The following KSR2 variants were observed in gnomAD, a reference collection of about 807,000 sequenced individuals.
KSR2 encodes kinase suppressor of ras 2.
In KSR2, 25 loss-of-function variants were observed where a neutral mutation model predicts 107.8. The ratio of observed to expected loss-of-function variants is 0.23; its 90% CI spans 0.17 to 0.32. The LOEUF (loss-of-function observed/expected upper bound fraction) is 0.32. KSR2 is among the 10% of genes least tolerant of loss of function. The pLI is 1.00. For missense variants in KSR2, 887 were observed against 1,268.9 expected (o/e 0.70, Z 4.57); for synonymous variants, 480 against 507.0 (o/e 0.95, Z 0.71).
intron 4 of KSR2, among the ~76,000 whole-genome samples, chr12:117,688,124 A>T (rs974799242): frequency 2.6e-5 from 4 of 152,222 alleles, no homozygotes; most frequent in African/African-American, 9.7e-5. Context: ...TCACGCCTGT[A>T]ATCCCAGCAC....
intron 5 of KSR2, 136 bp from the exon 6 acceptor site, chr12:117,582,495 A>G: frequency 1.5e-6 from 1 of 683,780 alleles, no homozygotes; most frequent in Non-Finnish European, 2.6e-6. Context: ...AACCAAAGCC[A>G]AGTGGAACAC....
intron 7 of KSR2, among the ~76,000 whole-genome samples, chr12:117,574,459 C>T (rs1361111242): frequency 1.3e-5 from 2 of 152,014 alleles, no homozygotes; most frequent in Non-Finnish European, 2.9e-5. Context: ...CTGGGGAGGC[C>T]TCATAATCAT....
At chr12:117,565,213 T>C (rs1878396877) in intron 7 of KSR2, among the ~76,000 whole-genome samples, 2 of 152,312 alleles carry the variant, frequency 1.3e-5, no homozygotes, top group African/African-American at 2.4e-5. Context: ...AATTTCTCAC[T>C]GTTCATTGGG....
At chr12:117,850,279 T>A (rs1892871761) in intron 3 of KSR2, among the ~76,000 whole-genome samples, 1 of 151,962 alleles carries the variant, frequency 6.6e-6, no homozygotes, top group South Asian at 2.1e-4. Context: ...AGGCAAGAGG[T>A]CAGCTCAGTT....
intron 1 of KSR2, among the ~76,000 whole-genome samples, chr12:117,900,453 T>TCAAAGAA (rs1238070804): frequency 6.6e-6 from 1 of 152,114 alleles, no homozygotes; most frequent in Non-Finnish European, 1.5e-5. Flanking sequence ...GATAGATGCC[T>TCAAAGAA]CAAGGGAAAG....
At chr12:117,837,798 CTCTGT>C (rs1341346116) in intron 3 of KSR2, among the ~76,000 whole-genome samples, 1 of 152,202 alleles carries the variant, frequency 6.6e-6, no homozygotes, top group African/African-American at 2.4e-5. Flanking sequence ...CTAAACTGAG[CTCTGT>C]TCCCAAGGAC....
intron 5 of KSR2, among the ~76,000 whole-genome samples, chr12:117,616,948 A>C (rs1000813555): frequency 6.6e-6 from 1 of 152,182 alleles, no homozygotes; most frequent in African/African-American, 2.4e-5. Flanking sequence ...AATGTAATGA[A>C]CAAAAGCTAG....
At chr12:117,815,176 C>T (rs1424870482) in intron 3 of KSR2, among the ~76,000 whole-genome samples, 2 of 152,202 alleles carry the variant, frequency 1.3e-5, no homozygotes, top group African/African-American at 4.8e-5. Flanking sequence ...AATTACAATT[C>T]TATATTTCAC....
At chr12:117,789,329 T>C (rs1195931995) in intron 3 of KSR2, among the ~76,000 whole-genome samples, 1 of 152,172 alleles carries the variant, frequency 6.6e-6, no homozygotes, top group Non-Finnish European at 1.5e-5. Flanking sequence ...AAGACCCAGG[T>C]GGCGTTATTA....
rs1566121121 is a variant in KSR2 at position 117,471,211 on chromosome 12, C to T, written c.2692G>A (p.Gly898Ser). Residue 898 changes from glycine (G) to serine (S), a missense_variant, in exon 18 of 20, where the codon GGC (glycine) becomes AGC (serine). Around this residue, in one of 8 missense-constraint regions of KSR2, gnomAD observed 308 missense variants for 506.2 expected, o/e 0.61. Transcript: ENST00000339824. Reference sequence around the variant, plus strand: ...CTTACCGAGATTTCTTTTCCCATGCCAATCTGGCTGAGGTTGGGTTTCATG... The same window carrying T: ...CTTACCGAGATTTCTTTTCCCATGCTAATCTGGCTGAGGTTGGGTTTCATG... The part of the protein sequence containing the change: ...TGMKPNLSQI[G>S]MGKEISDILL... 1 of 1,613,898 alleles carries T rather than the reference C, an allele frequency of 6.2e-7. No homozygotes were observed. Among genetic ancestry groups the T allele is most frequent in the Admixed American group, 1.7e-5 (1 of 60,010 alleles).
chr12:117,868,713 ATTTAT>A (rs773721407), intron 1 of KSR2, among the ~76,000 whole-genome samples: 3 of 151,596 alleles, frequency 2.0e-5, no homozygotes, highest in Admixed American at 1.3e-4. Flanking sequence ...CCTCATTTTA[ATTTAT>A]TTTAATTATT....
chr12:117,516,858 C>T (rs1450978427), intron 14 of KSR2, among the ~76,000 whole-genome samples: 1 of 152,158 alleles, frequency 6.6e-6, no homozygotes, highest in South Asian at 2.1e-4. Flanking sequence ...GAATGTGTGT[C>T]TCAGAGCTCC....
Position 117,534,272 on chromosome 12 carries a change from C to T in KSR2, c.1688-2565G>A, listed in dbSNP as rs112704470. 9.4e-3 allele frequency among the ~76,000 whole-genome samples: 1,437 copies of T among 152,302 alleles called. 24 individuals are homozygous for T. Among genetic ancestry groups the T allele is most frequent in the African/African-American group, 0.033 (1,367 of 41,574 alleles). On this transcript the variant is annotated intron_variant, in intron 10 of 19. Coordinates refer to ENST00000339824, the MANE Select transcript of KSR2 (RefSeq NM_173598.6). ...TTCAACTGCATCCCATGGAGTCTCACATAAAATCTAAAATCCTGCCAGGAC... is the reference window on the plus strand; with the variant it reads ...TTCAACTGCATCCCATGGAGTCTCATATAAAATCTAAAATCCTGCCAGGAC...
chr12:117,945,691 CA>C (rs1454068993), intron 1 of KSR2, among the ~76,000 whole-genome samples: 5 of 151,932 alleles, frequency 3.3e-5, no homozygotes, highest in Admixed American at 2.6e-4. Flanking sequence ...ATAATAATAA[CA>C]ATAATAATAA....
chr12:117,549,193 GAAT>G (rs1377631176), intron 9 of KSR2, among the ~76,000 whole-genome samples: 1 of 152,180 alleles, frequency 6.6e-6, no homozygotes, highest in Non-Finnish European at 1.5e-5. Flanking sequence ...TTAGTGTAAG[GAAT>G]AATATGTCAG....
At chr12:117,960,432 C>A (rs1253769472) in intron 1 of KSR2, among the ~76,000 whole-genome samples, 1 of 152,200 alleles carries the variant, frequency 6.6e-6, no homozygotes, top group Non-Finnish European at 1.5e-5. Context: ...GGCTTGCACA[C>A]TGGCGCCTGT....
At chr12:117,749,909 G>A (rs1888549875) in intron 4 of KSR2, among the ~76,000 whole-genome samples, 1 of 152,092 alleles carries the variant, frequency 6.6e-6, no homozygotes, top group Non-Finnish European at 1.5e-5. Context: ...TAGAATCCAG[G>A]ATGGGGGTAC....
At chr12:117,753,268 C>T (rs970830974) in intron 4 of KSR2, among the ~76,000 whole-genome samples, 19 of 152,216 alleles carry the variant, frequency 1.2e-4, no homozygotes, top group South Asian at 2.1e-4. Flanking sequence ...TTTTCATAAG[C>T]GCAGATATGG....
At chr12:117,496,052 CA>C (rs33974181) in intron 14 of KSR2, among the ~76,000 whole-genome samples, 35,678 of 112,920 alleles carry the variant, frequency 0.32, 4,545 homozygotes, top group East Asian at 0.62. Context: ...GACTCCGTCT[CA>C]AAAAAAAAAA....
Sources: allele counts gnomAD v4.1 joint callset (sites outside exome capture counted in the v4.1 genomes callset), GRCh38; gene constraint gnomAD v4.1.1; regional missense constraint gnomAD v4.1.1; transcripts MANE v1.5; gene names NCBI Gene and HGNC (gene_info 2026-07-23, HGNC 2026-07-21).